The following RARB variants were observed in gnomAD, a reference collection of about 807,000 sequenced individuals.
The protein encoded by RARB is HBV-activated protein.
Under a neutral mutation model 51.9 loss-of-function variants are expected in RARB, and 17 were observed. That is an observed-to-expected ratio of 0.33 (90% CI 0.22 to 0.49). RARB has a LOEUF of 0.49. Among genes scored for constraint, RARB ranks in the 20% least tolerant of loss-of-function variants. The pLI, the probability that RARB is intolerant of heterozygous loss-of-function variation, is 0.99. For missense variants in RARB, 369 were observed against 550.8 expected (o/e 0.67, Z 3.30); for synonymous variants, 215 against 195.4 (o/e 1.10, Z -0.84).
intron 5 of RARB, among the ~76,000 whole-genome samples, chr3:25,291,747 A>G (rs991141904): frequency 6.6e-6 from 1 of 152,040 alleles, no homozygotes. Context: ...TTCTTCAGAC[A>G]CATTCACATT....
intron 2 of RARB, among the ~76,000 whole-genome samples, chr3:24,976,102 TC>T (rs1473388837): frequency 6.6e-6 from 1 of 152,186 alleles, no homozygotes; most frequent in Non-Finnish European, 1.5e-5. Context: ...CATGAACTCA[TC>T]CTTTTTTATG....
chr3:24,857,753 A>C (rs1036370426), intron 1 of RARB, among the ~76,000 whole-genome samples: 29 of 152,014 alleles, frequency 1.9e-4, no homozygotes, highest in African/African-American at 6.8e-4. Context: ...CTGTCTCTAC[A>C]AAAAAAACAA....
At chr3:25,037,710 C>T (rs145375292) in intron 2 of RARB, among the ~76,000 whole-genome samples, 1 of 152,114 alleles carries the variant, frequency 6.6e-6, no homozygotes, top group African/African-American at 2.4e-5. Context: ...GAGATAAAGA[C>T]AGAATTGCTG....
At chr3:25,245,326 G>T (rs1702532635) in intron 5 of RARB, among the ~76,000 whole-genome samples, 1 of 152,180 alleles carries the variant, frequency 6.6e-6, no homozygotes, top group South Asian at 2.1e-4. Flanking sequence ...ATTGTTTTGT[G>T]TGAGACTGAT....
At chr3:24,984,911 A>T (rs1331760806) in intron 2 of RARB, among the ~76,000 whole-genome samples, 1 of 152,172 alleles carries the variant, frequency 6.6e-6, no homozygotes, top group Non-Finnish European at 1.5e-5. Context: ...TCCTGTTCTG[A>T]GCTTTGCTGC....
intron 4 of RARB, among the ~76,000 whole-genome samples, chr3:25,173,159 C>G (rs950977378): frequency 2.0e-5 from 3 of 152,194 alleles, no homozygotes; most frequent in African/African-American, 7.2e-5. Context: ...CCAGCCCACT[C>G]TAGAATTTAA....
intron 3 of RARB, among the ~76,000 whole-genome samples, chr3:25,079,595 A>T (rs898444699): frequency 6.6e-6 from 1 of 152,186 alleles, no homozygotes; most frequent in African/African-American, 2.4e-5. Flanking sequence ...CTATCATAAT[A>T]TGTGCATTGA....
intron 5 of RARB, among the ~76,000 whole-genome samples, chr3:25,205,540 G>A (rs1271415016): frequency 2.0e-5 from 3 of 152,092 alleles, no homozygotes; most frequent in Non-Finnish European, 4.4e-5. Context: ...ATAGACTGGA[G>A]CTGTTCGTAT....
chr3:25,538,796 G>A (rs1432174978), intron 3 of RARB, among the ~76,000 whole-genome samples: 1 of 152,218 alleles, frequency 6.6e-6, no homozygotes, highest in African/African-American at 2.4e-5. Context: ...AACACCGAAT[G>A]AGATGCTGTA....
intron 5 of RARB, among the ~76,000 whole-genome samples, chr3:25,381,539 AC>A (rs1167845326): frequency 1.3e-5 from 2 of 152,240 alleles, no homozygotes; most frequent in East Asian, 3.8e-4. Context: ...TGCCTAGAAC[AC>A]AGTAAGAGCT....
chr3:24,946,121 C>T (rs1695767611), intron 2 of RARB, among the ~76,000 whole-genome samples: 1 of 151,788 alleles, frequency 6.6e-6, no homozygotes, highest in South Asian at 2.1e-4. Flanking sequence ...GAAAATCAGC[C>T]AGGTGTGGTG....
rs773308483 is a variant in RARB at position 25,510,313 on chromosome 3, G to A, written c.448+8990G>A. Reference sequence around the variant, plus strand: ...GTTTTCAGTATCTTCACCTGTATTCGCTCCCACATCAAATATTCTATAATT... The same window carrying A: ...GTTTTCAGTATCTTCACCTGTATTCACTCCCACATCAAATATTCTATAATT... On this transcript the variant is annotated intron_variant, in intron 3 of 7. Transcript: ENST00000330688. Among the ~76,000 whole-genome samples, 85 of 152,184 alleles carry A rather than the reference G, an allele frequency of 5.6e-4. 1 individual carries two copies. The highest frequency in any genetic ancestry group is 9.6e-4 in the Non-Finnish European group (65 of 68,010).
At chr3:25,525,339 G>A (rs1372993234) in intron 3 of RARB, among the ~76,000 whole-genome samples, 8 of 152,100 alleles carry the variant, frequency 5.3e-5, no homozygotes, top group Non-Finnish European at 7.4e-5. Context: ...AGAGAGAGCC[G>A]GTGTGGAAAG....
At chr3:25,527,730 T>G (rs1698715448) in intron 3 of RARB, among the ~76,000 whole-genome samples, 1 of 152,186 alleles carries the variant, frequency 6.6e-6, no homozygotes, top group Non-Finnish European at 1.5e-5. Context: ...CTCTTGGCAT[T>G]CCTCTAACAA....
chr3:25,113,564 T>C (rs1438476176), intron 3 of RARB, among the ~76,000 whole-genome samples: 1 of 152,176 alleles, frequency 6.6e-6, no homozygotes, highest in Non-Finnish European at 1.5e-5. Flanking sequence ...AGCTTCCTGC[T>C]AGTAATTGAG....
rs867611539 is a variant in RARB at position 25,081,586 on chromosome 3, C to T, written c.-328+21410C>T. 2.1e-3 allele frequency among the ~76,000 whole-genome samples: 41 copies of T among 19,634 alleles called. 1 individual carries two copies. The highest frequency in any genetic ancestry group is 8.4e-3 in the African/African-American group (40 of 4,756). 12.9% of individuals were successfully genotyped at this position (19,634 alleles called of 152,430 possible). On this transcript the variant is annotated intron_variant, in intron 3 of 11. Transcript: ENST00000383772. ...CTTTTGCTAGTGTTTGCTTCATATACATATATATATATATATATATATATA... is the reference window on the plus strand; with the variant it reads ...CTTTTGCTAGTGTTTGCTTCATATATATATATATATATATATATATATATA...
intron 2 of RARB, among the ~76,000 whole-genome samples, chr3:24,969,018 T>C (rs1696336975): frequency 6.6e-6 from 1 of 152,054 alleles, no homozygotes; most frequent in African/African-American, 2.4e-5. Context: ...CTTTCTACAA[T>C]CAAGTTACCT....
At chr3:25,191,161 G>A (rs960648291) in intron 5 of RARB, among the ~76,000 whole-genome samples, 8 of 152,008 alleles carry the variant, frequency 5.3e-5, no homozygotes, top group African/African-American at 1.9e-4. Flanking sequence ...GAAAAAAATA[G>A]GGGAAAGTTT....
At chr3:24,858,144 G>A (rs972060949) in intron 1 of RARB, among the ~76,000 whole-genome samples, 11 of 152,232 alleles carry the variant, frequency 7.2e-5, no homozygotes, top group South Asian at 2.1e-4. Flanking sequence ...AATTGCTGAC[G>A]TAGTAATTGG....
Sources: gnomAD v4.1 joint callset for allele counts (sites outside exome capture counted in the v4.1 genomes callset) on GRCh38, gnomAD v4.1.1 for gene constraint, MANE v1.5 for transcripts, NCBI Gene and HGNC (gene_info 2026-07-23, HGNC 2026-07-21) for gene names.